Variants in CAST observed in about 807,000 individuals in gnomAD.
CAST encodes calpastatin.
Under a neutral mutation model 119.6 loss-of-function variants are expected in CAST, and 76 were observed. The observed-to-expected ratio is 0.64, with a 90% confidence interval of 0.53 to 0.77. CAST has a LOEUF of 0.77. CAST is among the 30% of genes least tolerant of loss of function. The pLI is 0.00. For synonymous variants in CAST, 319 were observed against 331.6 expected (o/e 0.96, Z 0.41); for missense variants, 953 against 946.5 (o/e 1.01, Z -0.09).
the CAST span, among the ~76,000 whole-genome samples, chr5:96,286,052 G>T: frequency 6.6e-6 from 1 of 152,226 alleles, no homozygotes; most frequent in Non-Finnish European, 1.5e-5. Context: ...CATAGAAACA[G>T]AGCAGTCTCA....
the CAST span, among the ~76,000 whole-genome samples, chr5:96,208,765 T>A: frequency 6.6e-6 from 1 of 151,984 alleles, no homozygotes; most frequent in Non-Finnish European, 1.5e-5. Context: ...TTAGAGTATA[T>A]GACATGTGCA....
chr5:96,588,159 G>A (rs1169527111), intron 1 of CAST, among the ~76,000 whole-genome samples: 1 of 129,300 alleles, frequency 7.7e-6, no homozygotes, highest in African/African-American at 2.9e-5. Flanking sequence ...TATAAGCCAT[G>A]TTAAATTCAT....
At chr5:96,418,221 C>T in the CAST span, among the ~76,000 whole-genome samples, 2 of 152,144 alleles carry the variant, frequency 1.3e-5, no homozygotes, top group African/African-American at 4.8e-5. Flanking sequence ...AAAAGTGTTC[C>T]TATGTCATTC....
the CAST span, among the ~76,000 whole-genome samples, chr5:96,047,762 T>C: frequency 6.6e-6 from 1 of 151,868 alleles, no homozygotes; most frequent in Non-Finnish European, 1.5e-5. Context: ...GGCAGGGTAG[T>C]GGACATCAGT....
At chr5:96,711,271 T>G (rs1233244492) in intron 3 of CAST, among the ~76,000 whole-genome samples, 1 of 152,130 alleles carries the variant, frequency 6.6e-6, no homozygotes, top group African/African-American at 2.4e-5. Flanking sequence ...AACTGAAAAT[T>G]TGGGTACCAT....
At chr5:96,652,280 C>A (rs17477045) in intron 1 of CAST, among the ~76,000 whole-genome samples, 6,303 of 152,268 alleles carry the variant, frequency 0.041, 175 homozygotes, top group Middle Eastern at 0.092. Flanking sequence ...TTGATAATTA[C>A]AAATGATTTC....
chr5:96,410,844 CA>C, the CAST span: 1 of 1,614,046 alleles, frequency 6.2e-7, no homozygotes. Context: ...CTCAGCGTAC[CA>C]GGGGGATAGG....
the CAST span, among the ~76,000 whole-genome samples, chr5:96,058,777 A>G: frequency 1.3e-5 from 2 of 152,158 alleles, no homozygotes; most frequent in Non-Finnish European, 2.9e-5. Context: ...GCTGAGTTCC[A>G]TTAATGCATA....
At chr5:96,487,240 G>C in the CAST span, among the ~76,000 whole-genome samples, 1 of 152,138 alleles carries the variant, frequency 6.6e-6, no homozygotes, top group Non-Finnish European at 1.5e-5. Context: ...AAATACAACA[G>C]AGCCACGGCC....
chr5:96,034,504 CACAT>C, the CAST span, among the ~76,000 whole-genome samples: 7 of 121,056 alleles, frequency 5.8e-5, no homozygotes, highest in African/African-American at 2.4e-4. Flanking sequence ...CACACACACA[CACAT>C]ATGTGTGTGT....
At chr5:96,171,475 T>A in the CAST span, among the ~76,000 whole-genome samples, 1 of 152,020 alleles carries the variant, frequency 6.6e-6, no homozygotes, top group African/African-American at 2.4e-5. Flanking sequence ...GTCCCTGCAA[T>A]TGACTTGCCA....
At chr5:96,296,106 T>C in the CAST span, among the ~76,000 whole-genome samples, 1 of 152,226 alleles carries the variant, frequency 6.6e-6, no homozygotes, top group Non-Finnish European at 1.5e-5. Context: ...TAGTTTTTCC[T>C]GTTTAAGAGG....
At chr5:96,450,952 T>G in the CAST span, among the ~76,000 whole-genome samples, 1 of 152,154 alleles carries the variant, frequency 6.6e-6, no homozygotes, top group Non-Finnish European at 1.5e-5. Flanking sequence ...CAGACTAAAC[T>G]GAATAAGAGT....
chr5:96,366,628 G>A, the CAST span, among the ~76,000 whole-genome samples: 1 of 152,136 alleles, frequency 6.6e-6, no homozygotes, highest in Non-Finnish European at 1.5e-5. Flanking sequence ...ATCAGCTACT[G>A]AAGCTTGTGC....
At chr5:96,069,049 A>C in the CAST span, among the ~76,000 whole-genome samples, 1 of 151,244 alleles carries the variant, frequency 6.6e-6, no homozygotes, top group Non-Finnish European at 1.5e-5. Flanking sequence ...ATGTGTGTGT[A>C]TGTGTATATA....
intron 1 of CAST, among the ~76,000 whole-genome samples, chr5:96,574,472 T>C (rs896333959): frequency 6.6e-6 from 1 of 152,244 alleles, no homozygotes; most frequent in Admixed American, 6.5e-5. Context: ...TAATCTTTTC[T>C]CCATTGTGTA....
chr5:96,378,897 T>A, the CAST span, among the ~76,000 whole-genome samples: 1 of 152,152 alleles, frequency 6.6e-6, no homozygotes, highest in African/African-American at 2.4e-5. Context: ...TTACAGTGTA[T>A]GTATATATGT....
At chr5:96,582,261 G>A (rs142646009) in intron 1 of CAST, among the ~76,000 whole-genome samples, 2,095 of 152,270 alleles carry the variant, frequency 0.014, 25 homozygotes, top group Middle Eastern at 0.075. Flanking sequence ...TTGAGGTTTT[G>A]GGAGTAGGTT....
At chr5:96,664,415 GCACA>G (rs1197375195) in intron 1 of CAST, among the ~76,000 whole-genome samples, 1 of 145,096 alleles carries the variant, frequency 6.9e-6, no homozygotes, top group East Asian at 2.0e-4. Context: ...ATATATATAT[GCACA>G]CACACACACA....
Sources: allele counts gnomAD v4.1 joint callset (sites outside exome capture counted in the v4.1 genomes callset), GRCh38; gene constraint gnomAD v4.1.1; transcripts MANE v1.5; gene names NCBI Gene and HGNC (gene_info 2026-07-23, HGNC 2026-07-21).